GPM6A: variants seen among roughly 807,000 people sequenced by gnomAD.
GPM6A encodes the protein glycoprotein M6A.
Under a neutral mutation model 32.1 loss-of-function variants are expected in GPM6A, and 7 were observed. The observed-to-expected ratio is 0.22, with a 90% CI of 0.12 to 0.41. GPM6A has a LOEUF of 0.41. Among genes scored for constraint, GPM6A ranks in the 10% least tolerant of loss-of-function variants. GPM6A has a pLI of 1.00. For synonymous variants in GPM6A, 130 were observed against 123.4 expected (o/e 1.05, Z -0.35); for missense variants, 235 against 347.2 (o/e 0.68, Z 2.57).
At chr4:175,652,030 A>C in intron 3 of GPM6A, 43 bp from the exon 4 acceptor site, 1 of 1,506,774 alleles carries the variant, frequency 6.6e-7, no homozygotes, top group African/African-American at 1.4e-5. Flanking sequence ...GTAATCTACC[A>C]AAAAAGAAGA....
At chr4:175,930,440 TTG>T (rs146981909) in intron 1 of GPM6A, among the ~76,000 whole-genome samples, 57,554 of 128,028 alleles carry the variant, frequency 0.45, 14,395 homozygotes, top group Admixed American at 0.59. Context: ...GGGGGTTTTT[TTG>T]TTGTTGTTTT....
intron 1 of GPM6A, among the ~76,000 whole-genome samples, chr4:175,893,089 G>A (rs1042633851): frequency 1.3e-5 from 2 of 152,062 alleles, no homozygotes; most frequent in African/African-American, 2.4e-5. Context: ...GCACTGTTTC[G>A]CTACTTAATG....
At position 175,987,351 on chromosome 4, in the gene GPM6A, T is replaced by C. The variant is rs77087630; in HGVS notation, c.-23+14958A>G. Among the ~76,000 whole-genome samples the C allele has an allele frequency of 8.7e-3, 1,318 of 152,284 alleles. 11 individuals are homozygous for C. Among genetic ancestry groups the C allele is most frequent in the African/African-American group, 0.03 (1,242 of 41,570 alleles). On this transcript the variant is annotated intron_variant, in intron 1 of 7. Transcript: ENST00000280187. ...TCCATAAAAGCTTTAAATGATCAGC[T>C]TATTCCTAAGAAAACACATGACTAC... is the stretch of plus-strand genomic sequence containing the variant.
intron 1 of GPM6A, among the ~76,000 whole-genome samples, chr4:175,960,362 C>T (rs1305375711): frequency 6.6e-6 from 1 of 152,076 alleles, no homozygotes; most frequent in East Asian, 1.9e-4. Context: ...TTCTAAATTC[C>T]ACTATAGGAT....
At chr4:175,900,424 A>T (rs2111489902) in intron 1 of GPM6A, among the ~76,000 whole-genome samples, 1 of 152,022 alleles carries the variant, frequency 6.6e-6, no homozygotes, top group African/African-American at 2.4e-5. Flanking sequence ...CTATAGGAGA[A>T]AATCTAATAA....
intron 1 of GPM6A, among the ~76,000 whole-genome samples, chr4:175,893,863 G>A (rs1449739607): frequency 6.6e-6 from 1 of 151,992 alleles, no homozygotes; most frequent in Non-Finnish European, 1.5e-5. Flanking sequence ...AGGACATGAA[G>A]GTGCTAAAAC....
chr4:175,674,850 A>G (rs993755226), intron 2 of GPM6A, among the ~76,000 whole-genome samples: 1 of 152,108 alleles, frequency 6.6e-6, no homozygotes, highest in Non-Finnish European at 1.5e-5. Flanking sequence ...TTATAGTGGC[A>G]TGGGAAGGTC....
chr4:175,951,860 T>C (rs1268492394), intron 1 of GPM6A, among the ~76,000 whole-genome samples: 1 of 152,212 alleles, frequency 6.6e-6, no homozygotes, highest in Non-Finnish European at 1.5e-5. Flanking sequence ...ATTCAATCAC[T>C]TGAAGGCCTG....
In GPM6A at chr4:175,701,505, C is replaced by T. The variant is rs1257878007; in HGVS notation, c.230+70G>A. On this transcript the variant is annotated intron_variant, in intron 2 of 6. Transcript: ENST00000393658. ...TTATCACCTCATCTAACTGTAGGCC[C>T]CTAATCATTTAACACATAGAAGTGT... is the stretch of plus-strand genomic sequence containing the variant. 9 of 1,078,892 alleles carry T rather than the reference C, an allele frequency of 8.3e-6. No individual in the cohort carries two copies. The Admixed American group carries it at 1.1e-4, about 13-fold the overall frequency. 66.8% of individuals were successfully genotyped at this position (1,078,892 alleles called of 1,614,324 possible).
rs1734357587 is a variant in GPM6A, at chr4:175,799,119, A to G, written c.37+13072T>C. ...TGGGAAACAACATTGTTCTTTCCCAACGTGGCTTTAAATAGCTCTTCCAAT... is the reference window on the plus strand; with the variant it reads ...TGGGAAACAACATTGTTCTTTCCCAGCGTGGCTTTAAATAGCTCTTCCAAT... On this transcript the variant is annotated intron_variant, in intron 1 of 6. Transcript: ENST00000393658. 2.0e-5 allele frequency among the ~76,000 whole-genome samples: 3 copies of G among 152,144 alleles called. No homozygotes were observed. In the South Asian group the frequency reaches 6.2e-4, roughly 31 times the overall value.
At chr4:175,807,785 A>T (rs1374725848) in intron 1 of GPM6A, among the ~76,000 whole-genome samples, 2 of 152,124 alleles carry the variant, frequency 1.3e-5, no homozygotes, top group Admixed American at 1.3e-4. Flanking sequence ...CCTTCGAAGG[A>T]GTGTGGCTGC....
rs374819436 is a variant in GPM6A, at chr4:175,638,646, G to A, written c.684+1483C>T. On this transcript the variant is annotated intron_variant, in intron 6 of 6. Transcript: ENST00000393658. ...TCACTAGTGTATACCTGTATTTTTAGACAGAATTTTATATGCACATATATG... is the reference window on the plus strand; with the variant it reads ...TCACTAGTGTATACCTGTATTTTTAAACAGAATTTTATATGCACATATATG... 6.6e-5 allele frequency among the ~76,000 whole-genome samples: 10 copies of A among 152,066 alleles called. No individual in the cohort carries two copies. In the South Asian group the frequency reaches 1.5e-3, roughly 22 times the overall value.
At chr4:176,002,223 C>A (rs2126479578) in intron 1 of GPM6A, 2 of 1,389,226 alleles carry the variant, frequency 1.4e-6, no homozygotes, top group East Asian at 2.4e-5. Flanking sequence ...CAGTCTGAGG[C>A]CGAGGAACAT....
At chr4:175,850,029 G>A (rs1269130192) in intron 1 of GPM6A, among the ~76,000 whole-genome samples, 1 of 152,122 alleles carries the variant, frequency 6.6e-6, no homozygotes, top group African/African-American at 2.4e-5. Context: ...ACACAGAGTT[G>A]ACATCCACCC....
intron 2 of GPM6A, among the ~76,000 whole-genome samples, chr4:175,699,508 C>G (rs746067306): frequency 1.3e-5 from 2 of 152,092 alleles, no homozygotes; most frequent in Non-Finnish European, 2.9e-5. Context: ...TTTCAATTTG[C>G]TGTTAATTCT....
chr4:175,846,199 AT>A (rs892053630), intron 1 of GPM6A, among the ~76,000 whole-genome samples: 1 of 152,048 alleles, frequency 6.6e-6, no homozygotes, highest in African/African-American at 2.4e-5. Flanking sequence ...AATAATGCTC[AT>A]TTTTTGTACA....
chr4:175,881,154 A>G (rs554332621), intron 1 of GPM6A, among the ~76,000 whole-genome samples: 1 of 152,336 alleles, frequency 6.6e-6, no homozygotes, highest in East Asian at 1.9e-4. Flanking sequence ...CAAGAAAAAA[A>G]CAAACAACCC....
At chr4:175,762,272 C>T (rs1732778816) in intron 1 of GPM6A, among the ~76,000 whole-genome samples, 1 of 151,890 alleles carries the variant, frequency 6.6e-6, no homozygotes, top group African/African-American at 2.4e-5. Flanking sequence ...TATCAACAAA[C>T]ACAAAAGAAA....
chr4:175,953,895 A>G (rs1020944942), intron 1 of GPM6A, among the ~76,000 whole-genome samples: 3 of 152,180 alleles, frequency 2.0e-5, no homozygotes, highest in African/African-American at 7.2e-5. Context: ...GCAAAACTCC[A>G]TATCAAAAAA....
Sources: gnomAD v4.1 joint callset for allele counts (sites outside exome capture counted in the v4.1 genomes callset) on GRCh38, gnomAD v4.1.1 for gene constraint, MANE v1.5 for transcripts, NCBI Gene and HGNC (gene_info 2026-07-23, HGNC 2026-07-21) for gene names.